NUAK1: variants seen among roughly 807,000 people sequenced by gnomAD.
NUAK1 encodes the protein NUAK family SNF1-like kinase 1.
In NUAK1, 26 loss-of-function variants were observed where a neutral mutation model predicts 56.9. That is an observed-to-expected ratio of 0.46 (90% CI 0.33 to 0.63). The LOEUF is 0.63. Ranked by LOEUF, NUAK1 falls within the 30% of genes least tolerant of loss-of-function variation. The pLI is 0.02. For missense variants in NUAK1, 727 were observed against 876.1 expected (o/e 0.83, Z 2.15); for synonymous variants, 337 against 336.0 (o/e 1.00, Z -0.03).
intron 4 of NUAK1, among the ~76,000 whole-genome samples, chr12:106,078,853 C>G (rs1240971101): frequency 6.6e-6 from 1 of 152,256 alleles, no homozygotes; most frequent in Admixed American, 6.5e-5. Flanking sequence ...CATGGCTACT[C>G]TGGCCACCAT....
intron 1 of NUAK1, among the ~76,000 whole-genome samples, chr12:106,133,007 T>C (rs575755079): frequency 8.5e-5 from 13 of 152,324 alleles, no homozygotes; most frequent in African/African-American, 2.9e-4. Flanking sequence ...AATGGGATGA[T>C]AGCAGAATTG....
chr12:106,103,122 G>A (rs1031873762), intron 2 of NUAK1: 1 of 152,252 alleles, frequency 6.6e-6, no homozygotes, highest in African/African-American at 2.4e-5. Flanking sequence ...TTGCCAGGGG[G>A]ATGGTTTCCT....
At chr12:106,077,882 A>C (rs2032479732) in intron 4 of NUAK1, among the ~76,000 whole-genome samples, 1 of 152,236 alleles carries the variant, frequency 6.6e-6, no homozygotes, top group South Asian at 2.1e-4. Context: ...TGCTGGTACC[A>C]AACCAAATAA....
intron 1 of NUAK1, among the ~76,000 whole-genome samples, chr12:106,116,388 A>G (rs770310280): frequency 2.6e-5 from 4 of 152,172 alleles, no homozygotes; most frequent in Admixed American, 6.5e-5. Context: ...CCCACTCCAG[A>G]GGGGTTGGGG....
At chr12:106,068,080 G>A in intron 6 of NUAK1, 125 bp from the exon 7 acceptor site, 2 of 863,694 alleles carry the variant, frequency 2.3e-6, no homozygotes, top group Non-Finnish European at 3.4e-6. Flanking sequence ...TGGAGACCTG[G>A]TCCAGCCACA....
intron 1 of NUAK1, among the ~76,000 whole-genome samples, chr12:106,134,803 G>T (rs2033114042): frequency 6.6e-6 from 1 of 152,160 alleles, no homozygotes. Context: ...AATAAACAAG[G>T]CCCAAATTCA....
At chr12:106,079,473 G>A (rs1469708149) in intron 4 of NUAK1, among the ~76,000 whole-genome samples, 3 of 152,120 alleles carry the variant, frequency 2.0e-5, no homozygotes, top group Non-Finnish European at 4.4e-5. Context: ...AAGGGAGAAG[G>A]ATCAGGGAAG....
rs534706842 is a variant in NUAK1 at position 106,083,871 on chromosome 12, T to C, written c.572A>G (p.Asn191Ser). 6.2e-7 allele frequency: 1 copy of C among 1,614,054 alleles called. No individual in the cohort carries two copies. The highest frequency in any genetic ancestry group is 2.2e-5 in the East Asian group (1 of 44,884). ...LENILLDDNC[N>S]IKIADFGLSN... The stretch of plus-strand genomic sequence containing the variant: ...ACGACGCAAGGGCTTTACCTTAATA[T>C]TGCAGTTGTCATCGAGCAGTATATT... Residue 191 changes from asparagine (N) to serine (S), a missense_variant, in exon 4 of 7, where the codon AAT (asparagine) becomes AGT (serine). Physicochemically the swap from Asn to Ser is conservative, Grantham distance 46 (BLOSUM62 1). Transcript: ENST00000261402.
At chr12:106,083,830 C>T in intron 4 of NUAK1, 34 bp downstream of exon 4, 1 of 1,584,738 alleles carries the variant, frequency 6.3e-7, no homozygotes, top group South Asian at 1.1e-5. Context: ...AAGACCCAGG[C>T]CCTGCATATC....
At position 106,138,376 on chromosome 12, in the gene NUAK1, C is replaced by T. The variant is rs750531964; in HGVS notation, c.240+38G>A. On this transcript the variant is annotated intron_variant, in intron 1 of 6. Coordinates refer to ENST00000261402, the MANE Select transcript of NUAK1 (RefSeq NM_014840.3). This position sits in a 1 kb window ranked among gnomAD's most constrained non-coding sequence, Gnocchi z 5.0. ...GCCCTCAGTCCCCGGCCGCGTCCAC[C>T]CAGCGCCCCCCGCACCCTCCAGGAT... 2.6e-6 allele frequency: 4 copies of T among 1,565,880 alleles called. No homozygotes were observed. The South Asian group carries it at 4.8e-5, about 19-fold the overall frequency.
At chr12:106,084,180 C>T in intron 3 of NUAK1, 1 of 542,736 alleles carries the variant, frequency 1.8e-6, no homozygotes, top group Non-Finnish European at 3.3e-6. Flanking sequence ...GGAATCTGTT[C>T]TCCCCCAGAG....
intron 1 of NUAK1, among the ~76,000 whole-genome samples, chr12:106,115,725 T>C (rs994409797): frequency 6.6e-6 from 1 of 152,242 alleles, no homozygotes; most frequent in African/African-American, 2.4e-5. Flanking sequence ...AACCGCAGGC[T>C]GAGCTGAGGA....
intron 4 of NUAK1, among the ~76,000 whole-genome samples, chr12:106,075,040 C>A (rs921078640): frequency 6.6e-6 from 1 of 152,142 alleles, no homozygotes. Flanking sequence ...AATACACGTG[C>A]GTGTGAGAGG....
rs772185238 is a variant in NUAK1 at position 106,067,814 on chromosome 12, G to T, written c.974C>A (p.Ser325Tyr). Reference protein sequence around the residue: ...CDCDALHDSESPLLARIIDWH... With the variant: ...CDCDALHDSEYPLLARIIDWH... ...GTCAATGATCCGAGCCAGGAGTGGG[G>T]ACTCAGAGTCATGGAGGGCATCACA... Residue 325 changes from serine to tyrosine, a missense_variant, in exon 7 of 7, where the codon TCC becomes TAC. Physicochemically the swap from Ser to Tyr is moderately radical, Grantham distance 144. Coordinates refer to ENST00000261402, the MANE Select transcript of NUAK1 (RefSeq NM_014840.3). The surrounding 1 kb of genome is among the most constrained non-coding windows in gnomAD (Gnocchi z 6.0). 1.2e-6 allele frequency: 2 copies of T among 1,613,970 alleles called. No homozygotes were observed. Among genetic ancestry groups the T allele is most frequent in the Admixed American group, 1.7e-5 (1 of 60,030 alleles).
At chr12:106,122,242 C>T (rs2032985283) in intron 1 of NUAK1, among the ~76,000 whole-genome samples, 1 of 152,142 alleles carries the variant, frequency 6.6e-6, no homozygotes, top group South Asian at 2.1e-4. Context: ...TGATTCCAAG[C>T]AACTAGCAGA....
In NUAK1 at chr12:106,070,913, CAG is replaced by C. The variant is rs777642854; in HGVS notation, c.700-9_700-8del. On this transcript the variant is annotated splice_region_variant and splice_polypyrimidine_tract_variant and intron_variant, in intron 5 of 6. Transcript: ENST00000261402. The stretch of plus-strand genomic sequence containing the variant: ...CCAGGGCCCAGCTGTCCACCTGGAG[CAG>C]AGAGACAGCACATATAGGAGAGCTG... The C allele has an allele frequency of 4.5e-5, 72 of 1,614,034 alleles. No individual in the cohort carries two copies. Among genetic ancestry groups the C allele is most frequent in the Admixed American group, 1.2e-4 (7 of 60,022 alleles).
intron 2 of NUAK1, among the ~76,000 whole-genome samples, chr12:106,096,901 T>A (rs536389382): frequency 2.0e-5 from 3 of 152,210 alleles, no homozygotes; most frequent in African/African-American, 7.2e-5. Context: ...GGCATCAGCA[T>A]TTTTTACAAA....
rs150517304 is a variant in NUAK1, at chr12:106,067,255, C to T, written c.1533G>A (p.Arg511=). 2.2e-5 allele frequency: 36 copies of T among 1,613,860 alleles called. No individual in the cohort carries two copies. In the African/African-American group the frequency reaches 4.7e-4, roughly 21 times the overall value. Reference sequence around the variant, plus strand: ...GGCAGGAGAGGCTGTGGGAGGTTACCCTGGCTGGGTCCGGGGGGCTGGGGG... The same window carrying T: ...GGCAGGAGAGGCTGTGGGAGGTTACTCTGGCTGGGTCCGGGGGGCTGGGGG... The part of the protein sequence containing the change: ...IPSPSPPDPA[R]VTSHSLSCRR... The change falls in exon 7 of 7, where the codon AGG becomes AGA. Residue 511 remains arginine (R), a synonymous_variant. Transcript: ENST00000261402. The surrounding 1 kb of genome is among the most constrained non-coding windows in gnomAD (Gnocchi z 6.0).
chr12:106,123,517 T>TG (rs1226889093), intron 1 of NUAK1, among the ~76,000 whole-genome samples: 1 of 152,168 alleles, frequency 6.6e-6, no homozygotes, highest in African/African-American at 2.4e-5. Flanking sequence ...AAGAGGCAGA[T>TG]ATGTGAGCTG....
Sources: allele counts gnomAD v4.1 joint callset (sites outside exome capture counted in the v4.1 genomes callset), GRCh38; gene constraint gnomAD v4.1.1; non-coding constraint Gnocchi (gnomAD v3.1); transcripts MANE v1.5; gene names NCBI Gene and HGNC (gene_info 2026-07-23, HGNC 2026-07-21).